CREBL2: variants seen among roughly 807,000 people sequenced by gnomAD.
The protein encoded by CREBL2 is cAMP responsive element binding protein like 2, also known as cAMP-responsive element-binding protein-like 2.
Under a neutral mutation model 19.5 loss-of-function variants are expected in CREBL2, and 4 were observed. The ratio of observed to expected loss-of-function variants is 0.20; its 90% CI spans 0.10 to 0.47. The LOEUF (loss-of-function observed/expected upper bound fraction) is 0.47. CREBL2 is among the 20% of genes least tolerant of loss of function. The pLI is 0.98. For missense variants in CREBL2, 85 were observed against 145.1 expected (o/e 0.59, Z 2.13); for synonymous variants, 42 against 46.6 (o/e 0.90, Z 0.40).
chr12:12,619,038 A>G (rs1303275563), intron 1 of CREBL2, among the ~76,000 whole-genome samples: 1 of 151,938 alleles, frequency 6.6e-6, no homozygotes, highest in Non-Finnish European at 1.5e-5. Flanking sequence ...GGAAAGTGGG[A>G]GACGGGAGAG....
At position 12,635,920 on chromosome 12, in the gene CREBL2, G is replaced by T; in HGVS notation, c.159G>T (p.Glu53Asp). The change falls in exon 2 of 4, where the codon GAG becomes GAT. Residue 53 changes from glutamate to aspartate, a missense_variant. Transcript: ENST00000228865. ...AGCTGAGATATCAGTATTTGGAAGA[G>T]TTGGTATCCAGTCGAGAAAGAGCTA... is the stretch of plus-strand genomic sequence containing the variant. ...RKKLRYQYLE[E>D]LVSSRERAIC... 1 of 1,614,182 alleles carries T rather than the reference G, an allele frequency of 6.2e-7. No individual in the cohort carries two copies. The highest frequency in any genetic ancestry group is 8.5e-7 in the Non-Finnish European group (1 of 1,180,046).
chr12:12,612,309 G>A, intron 1 of CREBL2, 122 bp downstream of exon 1: 6 of 1,557,666 alleles, frequency 3.9e-6, no homozygotes, highest in Non-Finnish European at 5.2e-6. Context: ...ACATCCCTGC[G>A]CCTCTCCAGT....
intron 3 of CREBL2, among the ~76,000 whole-genome samples, chr12:12,640,368 T>C (rs1171890245): frequency 1.3e-5 from 2 of 152,224 alleles, no homozygotes; most frequent in Non-Finnish European, 2.9e-5. Context: ...CATGTCCGTT[T>C]ATAGGCTCTC....
intron 1 of CREBL2, chr12:12,614,399 G>A: frequency 6.5e-6 from 1 of 153,508 alleles, no homozygotes. Flanking sequence ...TAGTAGCTCA[G>A]GCTGTTTTCC....
chr12:12,633,572 A>AT (rs796919467), intron 1 of CREBL2, among the ~76,000 whole-genome samples: 42 of 152,190 alleles, frequency 2.8e-4, no homozygotes, highest in African/African-American at 7.7e-4. Flanking sequence ...GAAAGGACAG[A>AT]TTTTTTTTCC....
chr12:12,627,241 G>A (rs1402513091), intron 1 of CREBL2, among the ~76,000 whole-genome samples: 1 of 152,122 alleles, frequency 6.6e-6, no homozygotes, highest in Non-Finnish European at 1.5e-5. Context: ...ACTAATGAAA[G>A]ATGTTAATAA....
chr12:12,620,479 C>T (rs908199512), intron 1 of CREBL2, among the ~76,000 whole-genome samples: 2 of 152,178 alleles, frequency 1.3e-5, no homozygotes, highest in African/African-American at 4.8e-5. Flanking sequence ...ATCTGCCCGC[C>T]TCTGCCTCCC....
intron 1 of CREBL2, among the ~76,000 whole-genome samples, chr12:12,629,602 TTCCC>T (rs1945427554): frequency 6.6e-6 from 1 of 152,176 alleles, no homozygotes; most frequent in African/African-American, 2.4e-5. Flanking sequence ...TTCCTTTCCT[TTCCC>T]TGAATGCTTC....
chr12:12,643,430 C>G lies in CREBL2; in HGVS notation c.*1432C>G, dbSNP rs559100445. 2.0e-5 allele frequency: 3 copies of G among 152,736 alleles called. No homozygotes were observed. The East Asian group carries it at 5.8e-4, about 29-fold the overall frequency. 9.5% of individuals were successfully genotyped at this position (152,736 alleles called of 1,614,324 possible). ...TCTGTCGCTGCTAAATTATTCTTCA[C>G]TTGAGTGAAGCAAATATTTAGCTTC... is the stretch of plus-strand genomic sequence containing the variant. On this transcript the variant is annotated 3_prime_UTR_variant, in exon 4 of 4. Coordinates refer to ENST00000228865, the MANE Select transcript of CREBL2 (RefSeq NM_001310.4).
intron 1 of CREBL2, among the ~76,000 whole-genome samples, chr12:12,624,608 C>T (rs886305148): frequency 2.0e-5 from 3 of 152,208 alleles, no homozygotes; most frequent in Admixed American, 2.0e-4. Flanking sequence ...GAACTTTATG[C>T]AGGCCCAATG....
chr12:12,636,003 A>C, intron 2 of CREBL2, 29 bp downstream of exon 2: 1 of 1,581,592 alleles, frequency 6.3e-7, no homozygotes, highest in Non-Finnish European at 8.6e-7. Flanking sequence ...ACACATGAAA[A>C]AATCACCTTA....
intron 1 of CREBL2, among the ~76,000 whole-genome samples, chr12:12,619,987 T>G (rs1440746816): frequency 6.6e-6 from 1 of 152,224 alleles, no homozygotes; most frequent in Admixed American, 6.5e-5. Flanking sequence ...GTTCTGGTTC[T>G]CAAAAAAATT....
chr12:12,632,145 T>A (rs1431579399), intron 1 of CREBL2, among the ~76,000 whole-genome samples: 1 of 134,728 alleles, frequency 7.4e-6, no homozygotes, highest in Non-Finnish European at 1.5e-5. Context: ...TGGCGGGATC[T>A]CGGCTCACTG....
intron 1 of CREBL2, among the ~76,000 whole-genome samples, chr12:12,623,727 A>G (rs991784435): frequency 6.6e-6 from 1 of 152,158 alleles, no homozygotes; most frequent in Admixed American, 6.5e-5. Context: ...AATCCCTGGA[A>G]CCTGTGGTTA....
intron 3 of CREBL2, among the ~76,000 whole-genome samples, chr12:12,641,249 TA>T (rs1477751231): frequency 0.01 from 631 of 60,134 alleles, 16 homozygotes; most frequent in African/African-American, 0.03. Context: ...TTATTATTAT[TA>T]TTATTTTTTT....
chr12:12,639,582 C>T (rs12830917), intron 3 of CREBL2, among the ~76,000 whole-genome samples: 2 of 151,904 alleles, frequency 1.3e-5, no homozygotes, highest in African/African-American at 2.4e-5. Flanking sequence ...GTTGGCCATT[C>T]GTATGTATTC....
At chr12:12,618,856 A>G (rs1945337085) in intron 1 of CREBL2, among the ~76,000 whole-genome samples, 1 of 152,212 alleles carries the variant, frequency 6.6e-6, no homozygotes, top group Non-Finnish European at 1.5e-5. Flanking sequence ...CGGCCAACAC[A>G]GCGAAACCCC....
chr12:12,641,468 C>T (rs143559662), intron 3 of CREBL2, among the ~76,000 whole-genome samples: 1,850 of 151,428 alleles, frequency 0.012, 32 homozygotes, highest in African/African-American at 0.041. Context: ...GCACTGCACC[C>T]GGCTAATTTT....
At chr12:12,626,942 G>T (rs1260958405) in intron 1 of CREBL2, among the ~76,000 whole-genome samples, 1 of 151,916 alleles carries the variant, frequency 6.6e-6, no homozygotes, top group Non-Finnish European at 1.5e-5. Context: ...AAAAGTCATG[G>T]AGGAGCCTTA....
Sources: gnomAD v4.1 joint callset for allele counts (sites outside exome capture counted in the v4.1 genomes callset) on GRCh38, gnomAD v4.1.1 for gene constraint, MANE v1.5 for transcripts, NCBI Gene and HGNC (gene_info 2026-07-23, HGNC 2026-07-21) for gene names.